RASSF3: variants seen among roughly 807,000 people sequenced by gnomAD.
The protein encoded by RASSF3 is ras association domain-containing protein 3.
Under a neutral mutation model 19.9 loss-of-function variants are expected in RASSF3, and 19 were observed. That is an observed-to-expected ratio of 0.96 (90% CI 0.67 to 1.40). The LOEUF is 1.40. Ranked by LOEUF, RASSF3 falls within the 40% of genes most tolerant of loss-of-function variation. The probability of loss-of-function intolerance (pLI) is 0.00; values close to 1 mark genes in which losing one functional copy is unlikely to be tolerated. For synonymous variants in RASSF3, 110 were observed against 104.2 expected, an observed-to-expected ratio of 1.06 and a Z score of -0.34; for missense variants, 306 against 289.8, an observed-to-expected ratio of 1.06 and a Z score of -0.41.
chr12:64,582,547 AGTCTC>A (rs1189270111), intron 2 of RASSF3, among the ~76,000 whole-genome samples: 1 of 152,202 alleles, frequency 6.6e-6, no homozygotes, highest in African/African-American at 2.4e-5. Context: ...TTGGAAACAA[AGTCTC>A]GTCAGTTACA....
rs68044550 is a variant in RASSF3, at chr12:64,620,014, C to CTGTG, written c.111+9291_111+9294dup. Among the ~76,000 whole-genome samples the CTGTG allele has an allele frequency of 4.8e-4, 64 of 134,232 alleles. 1 individual carries two copies. The South Asian group carries it at 9.7e-3, about 20-fold the overall frequency. The allele number at this position is 134,232 out of a possible 152,430, so 88.1% of individuals were successfully genotyped here. A position where few individuals can be genotyped will look rare whatever the true frequency, so the allele number is the denominator to read the frequency against. ...AAAAAAAGAAATTAGTGCAGGTTGA[C>CTGTG]TGTGTGTGTGTGTGTGTGTGTGTAG... is the stretch of plus-strand genomic sequence containing the variant. On this transcript the variant is annotated intron_variant, in intron 1 of 4. Coordinates refer to ENST00000542104, the MANE Select transcript of RASSF3 (RefSeq NM_178169.4).
In RASSF3 at chr12:64,648,802, A is replaced by ATTTTTTTT. The variant is rs60003798; in HGVS notation, c.112-35972_112-35965dup. Among the ~76,000 whole-genome samples, 52 of 104,984 alleles carry ATTTTTTTT rather than the reference A, an allele frequency of 5.0e-4. 8 individuals are homozygous for ATTTTTTTT. Among genetic ancestry groups the ATTTTTTTT allele is most frequent in the African/African-American group, 1.1e-3 (27 of 25,666 alleles). 68.9% of individuals were successfully genotyped at this position (104,984 alleles called of 152,430 possible). A position where few individuals can be genotyped will look rare whatever the true frequency, so the allele number is the denominator to read the frequency against. Reference sequence around the variant, plus strand: ...GGCCAAGCTTCTTGTTTTTACATTGATTTTTTTTTTTTTTTTTTTTAGAGA... The same window carrying ATTTTTTTT: ...GGCCAAGCTTCTTGTTTTTACATTGATTTTTTTTTTTTTTTTTTTTTTTTTTTTAGAGA... On this transcript the variant is annotated intron_variant, in intron 1 of 4. Transcript: ENST00000542104.
intron 1 of RASSF3, among the ~76,000 whole-genome samples, chr12:64,621,150 G>A (rs1374451587): frequency 1.3e-5 from 2 of 152,098 alleles, no homozygotes; most frequent in Admixed American, 1.3e-4. Context: ...TGGCCAGGCT[G>A]GTCTCAAACT....
At chr12:64,638,759 G>T (rs1871413025) in intron 1 of RASSF3, among the ~76,000 whole-genome samples, 2 of 152,038 alleles carry the variant, frequency 1.3e-5, no homozygotes, top group Non-Finnish European at 2.9e-5. Flanking sequence ...TTTTATTAAG[G>T]ATGTGTGGTG....
downstream of RASSF3, among the ~76,000 whole-genome samples, chr12:64,543,477 CACCCCCCA>C (rs1868989174): frequency 1.1e-5 from 1 of 91,232 alleles, no homozygotes; most frequent in Non-Finnish European, 2.3e-5. Context: ...CCCGCCTGCC[CACCCCCCA>C]CTCCCCCACT....
chr12:64,508,877 A>T (rs1342965732), intron 1 of RASSF3, among the ~76,000 whole-genome samples: 1 of 151,916 alleles, frequency 6.6e-6, no homozygotes, highest in African/African-American at 2.4e-5. Context: ...CAAGAGTGAA[A>T]CTCCGTCTCA....
intron 1 of RASSF3, among the ~76,000 whole-genome samples, chr12:64,675,683 T>C (rs953285620): frequency 6.6e-6 from 1 of 152,122 alleles, no homozygotes; most frequent in Non-Finnish European, 1.5e-5. Context: ...CCACTTACTT[T>C]TCCTACCCTG....
intron 1 of RASSF3, among the ~76,000 whole-genome samples, chr12:64,514,188 CT>C (rs138925359): frequency 0.018 from 1,412 of 77,940 alleles, 11 homozygotes; most frequent in African/African-American, 0.073. Flanking sequence ...CGCTCAGCCT[CT>C]TTTTTTTTTT....
chr12:64,541,614 A>T (rs189782203), exon 2 of RASSF3: 15 of 398,568 alleles, frequency 3.8e-5, no homozygotes, highest in Non-Finnish European at 5.3e-5. Flanking sequence ...CACTGCCGAG[A>T]CCTGGTACAT....
chr12:64,579,843 T>A (rs1017505204), intron 2 of RASSF3, among the ~76,000 whole-genome samples: 4 of 147,756 alleles, frequency 2.7e-5, no homozygotes, highest in Non-Finnish European at 5.9e-5. Flanking sequence ...AGAGTATCGC[T>A]CTGTTGCCCA....
intron 1 of RASSF3, among the ~76,000 whole-genome samples, chr12:64,514,594 A>G (rs910325238): frequency 2.0e-5 from 3 of 152,160 alleles, no homozygotes; most frequent in Non-Finnish European, 2.9e-5. Flanking sequence ...CCAGGCTCCT[A>G]TTTCCTTAGA....
chr12:64,599,187 TCCCAG>T (rs1432194484), intron 2 of RASSF3: 4 of 152,108 alleles, frequency 2.6e-5, no homozygotes, highest in Admixed American at 2.6e-4. Context: ...AGCATTAATC[TCCCAG>T]CCTCAGCTCT....
intron 2 of RASSF3, among the ~76,000 whole-genome samples, chr12:64,590,589 C>T (rs1520765): frequency 0.53 from 80,407 of 152,012 alleles, 21,502 homozygotes; most frequent in Admixed American, 0.55. Context: ...AAGGTGATCT[C>T]TCTAATATGT....
chr12:64,625,375 G>A (rs1179447202), intron 1 of RASSF3, among the ~76,000 whole-genome samples: 1 of 151,922 alleles, frequency 6.6e-6, no homozygotes, highest in Non-Finnish European at 1.5e-5. Flanking sequence ...AGTTGAAAGA[G>A]AATGATTAGA....
chr12:64,626,496 A>AAG (rs1369688987), intron 1 of RASSF3, among the ~76,000 whole-genome samples: 5 of 151,824 alleles, frequency 3.3e-5, no homozygotes, highest in Admixed American at 1.3e-4. Flanking sequence ...CTCAAAAAAA[A>AAG]AAAAAAAAAG....
chr12:64,576,043 C>T (rs1481427994), intron 2 of RASSF3, among the ~76,000 whole-genome samples: 2 of 152,108 alleles, frequency 1.3e-5, no homozygotes, highest in Non-Finnish European at 2.9e-5. Context: ...GCATGCACCA[C>T]CATGCCCGGC....
chr12:64,623,114 C>G (rs1036306257), intron 1 of RASSF3, among the ~76,000 whole-genome samples: 2 of 152,074 alleles, frequency 1.3e-5, no homozygotes, highest in African/African-American at 2.4e-5. Context: ...AGCCACCGCG[C>G]CCGGCCACCG....
At chr12:64,648,611 T>C (rs1287628608) in intron 1 of RASSF3, among the ~76,000 whole-genome samples, 1 of 151,706 alleles carries the variant, frequency 6.6e-6, no homozygotes, top group Non-Finnish European at 1.5e-5. Context: ...GCCTCCCAAG[T>C]AGCTGGGACT....
At position 64,695,609 on chromosome 12, in the gene RASSF3, C is replaced by T. The variant is rs918120145; in HGVS notation, c.*697C>T. The T allele has an allele frequency of 6.6e-6, 1 of 152,358 alleles. No individual in the cohort carries two copies. Among genetic ancestry groups the T allele is most frequent in the Non-Finnish European group, 1.5e-5 (1 of 68,066 alleles). 9.4% of individuals were successfully genotyped at this position (152,358 alleles called of 1,614,324 possible). A position where few individuals can be genotyped will look rare whatever the true frequency, so the allele number is the denominator to read the frequency against. On this transcript the variant is annotated 3_prime_UTR_variant, in exon 5 of 5. Coordinates refer to ENST00000542104, the MANE Select transcript of RASSF3 (RefSeq NM_178169.4). ...AAGCATTCAGTGTGGAGGTGTTAAA[C>T]CCATTTTAGGATCGCTTGGTTTCCT...
Sources: allele counts gnomAD v4.1 joint callset (sites outside exome capture counted in the v4.1 genomes callset), GRCh38; gene constraint gnomAD v4.1.1; transcripts MANE v1.5; gene names NCBI Gene and HGNC (gene_info 2026-07-23, HGNC 2026-07-21).